FILIP1L: variants seen among roughly 807,000 people sequenced by gnomAD.
FILIP1L encodes filamin A interacting protein 1 like, also known as filamin A-interacting protein 1-like.
FILIP1L carries 55 observed loss-of-function variants against 96.6 expected under a neutral mutation model. The observed-to-expected ratio is 0.57, with a 90% CI of 0.46 to 0.71. FILIP1L has a LOEUF of 0.71. FILIP1L is among the 30% of genes least tolerant of loss of function. FILIP1L has a pLI of 0.00. For synonymous variants in FILIP1L, 467 were observed against 473.9 expected, an observed-to-expected ratio of 0.99 and a Z score of 0.19; for missense variants, 1,304 against 1,321.2, an observed-to-expected ratio of 0.99 and a Z score of 0.20.
intron 4 of FILIP1L, chr3:99,898,167 C>A (rs1706320055): frequency 6.6e-6 from 1 of 152,134 alleles, no homozygotes; most frequent in South Asian, 2.1e-4. Context: ...AGATATGATA[C>A]AATATTTTTG....
chr3:99,875,736 A>C, intron 4 of FILIP1L, among the ~76,000 whole-genome samples: 1 of 152,152 alleles, frequency 6.6e-6, no homozygotes, highest in Admixed American at 6.5e-5. Flanking sequence ...GCTGCAGTAC[A>C]ATATAGTCTC....
chr3:99,933,976 A>G lies in FILIP1L; in HGVS notation c.-10-2946T>C, dbSNP rs74892789. Among the ~76,000 whole-genome samples the G allele has an allele frequency of 7.2e-5, 11 of 152,326 alleles. No individual in the cohort carries two copies. In the East Asian group the frequency reaches 2.1e-3, roughly 29 times the overall value. Reference sequence around the variant, plus strand: ...CCACAGCTTCAGCTTTCTTACAGCTATTCTGGGCCTGGATGGTCTAAGACG... The same window carrying G: ...CCACAGCTTCAGCTTTCTTACAGCTGTTCTGGGCCTGGATGGTCTAAGACG... On this transcript the variant is annotated intron_variant, in intron 1 of 5. Coordinates refer to ENST00000477258, the MANE Select transcript of FILIP1L (RefSeq NM_001387850.1).
intron 4 of FILIP1L, among the ~76,000 whole-genome samples, chr3:99,892,507 A>C (rs1475114733): frequency 6.6e-6 from 1 of 152,228 alleles, no homozygotes; most frequent in African/African-American, 2.4e-5. Context: ...GGCAGGTTCT[A>C]GACATAGCAT....
Position 99,851,053 on chromosome 3 carries a change from T to C in FILIP1L, c.623A>G (p.Asp208Gly). The change falls in exon 5 of 6, where the codon GAT becomes GGT. Residue 208 changes from aspartate (D) to glycine (G), a missense_variant. Transcript: ENST00000477258. ...QECERLKKLIDQEIKSQEEKE... is the reference protein window; with the variant it reads ...QECERLKKLIGQEIKSQEEKE... ...CTCCTCCTGAGACTTGATTTCTTGA[T>C]CAATTAGCTTCTTTAATCTGAAAAA... The C allele has an allele frequency of 6.3e-7, 1 of 1,588,236 alleles. No individual in the cohort carries two copies. The highest frequency in any genetic ancestry group is 8.5e-7 in the Non-Finnish European group (1 of 1,172,222).
intron 1 of FILIP1L, among the ~76,000 whole-genome samples, chr3:99,997,490 C>T (rs986710967): frequency 6.6e-6 from 1 of 152,086 alleles, no homozygotes; most frequent in Non-Finnish European, 1.5e-5. Context: ...TTTCTGATAC[C>T]CCAGTGGTTC....
At chr3:100,003,145 C>T (rs1709891044) in intron 1 of FILIP1L, among the ~76,000 whole-genome samples, 1 of 152,198 alleles carries the variant, frequency 6.6e-6, no homozygotes, top group South Asian at 2.1e-4. Context: ...CTGTGTTTCT[C>T]TCCTTTTCCT....
Position 99,848,949 on chromosome 3 carries a change from G to C in FILIP1L, c.2727C>G (p.Asp909Glu), listed in dbSNP as rs1017201688. The change falls in exon 5 of 6, where the codon GAC becomes GAG. Residue 909 changes from aspartate (D) to glutamate (E), a missense_variant. Coordinates refer to ENST00000477258, the MANE Select transcript of FILIP1L (RefSeq NM_001387850.1). ...CAAGAGTGGCTGTGTTTTGTACATGGTCTGGAGTAACCTTTATATGAAGTG... is the reference window on the plus strand; with the variant it reads ...CAAGAGTGGCTGTGTTTTGTACATGCTCTGGAGTAACCTTTATATGAAGTG... ...GQPLHIKVTPDHVQNTATLEI... is the reference protein window; with the variant it reads ...GQPLHIKVTPEHVQNTATLEI... 10 of 1,614,050 alleles carry C rather than the reference G, an allele frequency of 6.2e-6. No homozygotes were observed. The highest frequency in any genetic ancestry group is 1.7e-5 in the Admixed American group (1 of 60,002).
Position 99,905,973 on chromosome 3 carries a change from A to G in FILIP1L, c.605+18257T>C, listed in dbSNP as rs9824229. Among the ~76,000 whole-genome samples the G allele has an allele frequency of 5.0e-3, 760 of 152,258 alleles. 6 individuals are homozygous for G. Among genetic ancestry groups the G allele is most frequent in the African/African-American group, 0.017 (717 of 41,522 alleles). The stretch of plus-strand genomic sequence containing the variant: ...TTTGGGAGGCTGAGGCAGGCAGATC[A>G]CTTGAACTTAGAAGTTCAAGGCCAG... On this transcript the variant is annotated intron_variant, in intron 4 of 5. Coordinates refer to ENST00000477258, the MANE Select transcript of FILIP1L (RefSeq NM_001387850.1).
intron 4 of FILIP1L, among the ~76,000 whole-genome samples, chr3:99,879,979 C>T (rs545416423): frequency 7.9e-5 from 12 of 152,276 alleles, no homozygotes; most frequent in Admixed American, 4.6e-4. Flanking sequence ...CCCACGCTAC[C>T]TTCTACCACC....
At chr3:100,010,612 CTT>C (rs71625546) in intron 1 of FILIP1L, among the ~76,000 whole-genome samples, 9 of 141,440 alleles carry the variant, frequency 6.4e-5, no homozygotes, top group South Asian at 2.3e-4. Flanking sequence ...GTTTTTCTTT[CTT>C]TTTTTTTTTT....
chr3:99,997,596 G>T (rs780482030), intron 1 of FILIP1L, among the ~76,000 whole-genome samples: 1 of 152,236 alleles, frequency 6.6e-6, no homozygotes. Flanking sequence ...GTAGGGGCAG[G>T]GTGGGAAGGA....
intron 1 of FILIP1L, among the ~76,000 whole-genome samples, chr3:99,973,316 G>T (rs1035900772): frequency 1.3e-5 from 2 of 152,154 alleles, no homozygotes; most frequent in African/African-American, 4.8e-5. Context: ...TAAGAACACT[G>T]ATTTTCTGTG....
rs566126049 is a variant in FILIP1L at position 99,972,793 on chromosome 3, A to G, written c.-10-41763T>C. Reference sequence around the variant, plus strand: ...CTGGGTGTTAATGATGTTAACTTCCATAAGTGTGAGGCAAGAAAATTCCAT... The same window carrying G: ...CTGGGTGTTAATGATGTTAACTTCCGTAAGTGTGAGGCAAGAAAATTCCAT... On this transcript the variant is annotated intron_variant, in intron 1 of 5. Coordinates refer to ENST00000477258, the MANE Select transcript of FILIP1L (RefSeq NM_001387850.1). Among the ~76,000 whole-genome samples the G allele has an allele frequency of 3.9e-5, 6 of 152,356 alleles. No homozygotes were observed. The East Asian group carries it at 9.6e-4, about 24-fold the overall frequency.
At chr3:99,897,387 GCTTA>G (rs1274346289) in intron 4 of FILIP1L, among the ~76,000 whole-genome samples, 1 of 151,872 alleles carries the variant, frequency 6.6e-6, no homozygotes, top group Non-Finnish European at 1.5e-5. Context: ...AAAAAAGTTG[GCTTA>G]CTTGTTCTAT....
chr3:100,112,507 AAATTTATTGCT>A (rs1334453456), intron 1 of FILIP1L, among the ~76,000 whole-genome samples: 1 of 152,214 alleles, frequency 6.6e-6, no homozygotes, highest in Non-Finnish European at 1.5e-5. Flanking sequence ...TTTATTACTT[AAATTTATTGCT>A]AATTTATTGC....
chr3:99,845,225 G>T (rs1433263887), intron 5 of FILIP1L, among the ~76,000 whole-genome samples: 1 of 152,160 alleles, frequency 6.6e-6, no homozygotes, highest in Non-Finnish European at 1.5e-5. Flanking sequence ...TTTTGTCAGT[G>T]CCCCTAGAGA....
At chr3:99,948,430 C>T (rs1250421380) in intron 1 of FILIP1L, among the ~76,000 whole-genome samples, 2 of 150,514 alleles carry the variant, frequency 1.3e-5, no homozygotes, top group South Asian at 2.1e-4. Context: ...CCCATCTACT[C>T]GTGAGGCTGA....
intron 1 of FILIP1L, chr3:100,040,294 CCT>C (rs1030198743): frequency 6.6e-5 from 10 of 151,930 alleles, no homozygotes; most frequent in African/African-American, 2.4e-4. Context: ...CATCTAACTC[CCT>C]CTTTTAAAAA....
Position 99,848,657 on chromosome 3 carries a change from C to G in FILIP1L, c.3019G>C (p.Val1007Leu), listed in dbSNP as rs1163049901. The change falls in exon 5 of 6, where the codon GTG (valine) becomes CTG (leucine). Residue 1007 changes from valine (V) to leucine (L), a missense_variant. By Grantham distance (32) the Val-to-Leu change is conservative (BLOSUM62 1). Coordinates refer to ENST00000477258, the MANE Select transcript of FILIP1L (RefSeq NM_001387850.1). ...TCAGGAGAGCTAGCTGAACCAGTCA[C>G]AGCCAAAACCTGAATAGGGGACATT... Reference protein sequence around the residue: ...RTMSPIQVLAVTGSASSPEQG... With the variant: ...RTMSPIQVLALTGSASSPEQG... 2.5e-6 allele frequency: 4 copies of G among 1,614,080 alleles called. No homozygotes were observed. In the African/African-American group the frequency reaches 5.3e-5, roughly 22 times the overall value.
Sources: gnomAD v4.1 joint callset for allele counts (sites outside exome capture counted in the v4.1 genomes callset) on GRCh38, gnomAD v4.1.1 for gene constraint, MANE v1.5 for transcripts, NCBI Gene and HGNC (gene_info 2026-07-23, HGNC 2026-07-21) for gene names.